MAP3K20: variants seen among roughly 807,000 people sequenced by gnomAD.
MAP3K20 encodes HCCS-4.
MAP3K20 carries 40 observed loss-of-function variants against 85.7 expected under a neutral mutation model. The observed-to-expected ratio is 0.47, with a 90% CI of 0.36 to 0.61. The LOEUF (loss-of-function observed/expected upper bound fraction) is 0.61, where lower values mean the gene tolerates loss of function less well. Among genes scored for constraint, MAP3K20 ranks in the 20% least tolerant of loss-of-function variants. MAP3K20 has a pLI of 0.00. For missense variants in MAP3K20, 817 were observed against 961.7 expected (o/e 0.85, Z 1.99); for synonymous variants, 325 against 327.7 (o/e 0.99, Z 0.09).
At chr2:173,223,557 GT>G in intron 11 of MAP3K20, 2 of 985,394 alleles carry the variant, frequency 2.0e-6, no homozygotes, top group South Asian at 9.4e-5. Context: ...GAAATTAAAA[GT>G]GGATAGCTTT....
intron 2 of MAP3K20, among the ~76,000 whole-genome samples, chr2:173,159,358 T>TTTCCTTTCTTTCC: frequency 6.6e-6 from 1 of 151,288 alleles, no homozygotes; most frequent in Admixed American, 6.6e-5. Context: ...TCTTTCTTTC[T>TTTCCTTTCTTTCC]TTCCTTTCCT....
intron 2 of MAP3K20, among the ~76,000 whole-genome samples, chr2:173,121,258 C>A (rs1026407160): frequency 6.6e-6 from 1 of 152,184 alleles, no homozygotes; most frequent in Non-Finnish European, 1.5e-5. Context: ...GAGCCCATTG[C>A]TTCATTCCCT....
intron 16 of MAP3K20, among the ~76,000 whole-genome samples, chr2:173,241,681 A>AT (rs1019418763): frequency 4.0e-5 from 6 of 151,816 alleles, no homozygotes; most frequent in African/African-American, 1.2e-4. Context: ...AAAACATTAA[A>AT]TTTTTTTTTA....
chr2:173,212,474 A>G (rs183051689), intron 10 of MAP3K20: 17 of 152,270 alleles, frequency 1.1e-4, no homozygotes, highest in African/African-American at 4.1e-4. Context: ...GATTAGTAAG[A>G]TTTTAATACC....
At chr2:173,174,324 G>A (rs1431687822) in intron 3 of MAP3K20, among the ~76,000 whole-genome samples, 2 of 152,056 alleles carry the variant, frequency 1.3e-5, no homozygotes, top group Non-Finnish European at 2.9e-5. Context: ...TCTACATTAG[G>A]TATTTTTCCT....
chr2:173,244,066 C>G (rs983509470), intron 16 of MAP3K20, among the ~76,000 whole-genome samples: 1 of 152,162 alleles, frequency 6.6e-6, no homozygotes, highest in Non-Finnish European at 1.5e-5. Flanking sequence ...GAGCCTGTGA[C>G]AGTGCCATGG....
intron 1 of MAP3K20, among the ~76,000 whole-genome samples, chr2:173,089,923 CA>C (rs1256956315): frequency 2.0e-5 from 3 of 151,872 alleles, no homozygotes; most frequent in Middle Eastern, 3.2e-3. Flanking sequence ...CTGCAAAAAA[CA>C]AACAAAAAAA....
chr2:173,083,361 A>AT (rs527936811), intron 1 of MAP3K20, among the ~76,000 whole-genome samples: 2,057 of 150,298 alleles, frequency 0.014, 24 homozygotes, highest in Middle Eastern at 0.024. Flanking sequence ...TTTATTTTTT[A>AT]TTTTTTTTTT....
chr2:173,224,156 G>C (rs1169145046), intron 11 of MAP3K20: 2 of 860,362 alleles, frequency 2.3e-6, no homozygotes, highest in Non-Finnish European at 1.4e-6. Flanking sequence ...CCGGGAAGGA[G>C]GACAAGGCCC....
At chr2:173,115,681 G>A (rs1258461976) in intron 2 of MAP3K20, among the ~76,000 whole-genome samples, 1 of 152,088 alleles carries the variant, frequency 6.6e-6, no homozygotes, top group African/African-American at 2.4e-5. Flanking sequence ...ATTGTTGTCC[G>A]TCTTCTGGGT....
chr2:173,193,982 G>A (rs1402275464), intron 7 of MAP3K20, among the ~76,000 whole-genome samples: 1 of 152,178 alleles, frequency 6.6e-6, no homozygotes, highest in Non-Finnish European at 1.5e-5. Context: ...TTACACACTG[G>A]ATGTTGCTCT....
intron 2 of MAP3K20, among the ~76,000 whole-genome samples, chr2:173,119,520 A>G (rs1304572526): frequency 1.3e-5 from 2 of 152,204 alleles, no homozygotes; most frequent in Admixed American, 1.3e-4. Flanking sequence ...AGTGCACTGT[A>G]TTGACACAGG....
intron 14 of MAP3K20, among the ~76,000 whole-genome samples, chr2:173,235,068 C>T (rs941869250): frequency 2.0e-5 from 3 of 152,184 alleles, no homozygotes; most frequent in Non-Finnish European, 2.9e-5. Flanking sequence ...TTGTTGTGGA[C>T]GGACTGGCTG....
At chr2:173,163,676 T>G (rs1253902591) in intron 2 of MAP3K20, among the ~76,000 whole-genome samples, 1 of 152,234 alleles carries the variant, frequency 6.6e-6, no homozygotes, top group East Asian at 1.9e-4. Context: ...TTAGGTTGAT[T>G]CCATGTCTTT....
chr2:173,257,410 G>T (rs183018189), intron 16 of MAP3K20, among the ~76,000 whole-genome samples: 38 of 152,170 alleles, frequency 2.5e-4, no homozygotes, highest in African/African-American at 8.4e-4. Flanking sequence ...CACATAAATG[G>T]AATCATTAGG....
intron 14 of MAP3K20, among the ~76,000 whole-genome samples, chr2:173,234,242 C>T (rs1684594086): frequency 6.6e-6 from 1 of 152,116 alleles, no homozygotes; most frequent in African/African-American, 2.4e-5. Context: ...CACCAGAAGC[C>T]CTCAGTGATT....
chr2:173,124,721 A>C (rs1688393410), intron 2 of MAP3K20, among the ~76,000 whole-genome samples: 1 of 152,150 alleles, frequency 6.6e-6, no homozygotes, highest in Non-Finnish European at 1.5e-5. Context: ...GATCTCCTGC[A>C]CTCTGCTGGC....
At position 173,258,088 on chromosome 2, in the gene MAP3K20, A is replaced by G. The variant is rs1685200381; in HGVS notation, c.1360-611A>G. Among the ~76,000 whole-genome samples the G allele has an allele frequency of 2.0e-5, 3 of 152,210 alleles. No homozygotes were observed. The South Asian group carries it at 6.2e-4, about 32-fold the overall frequency. On this transcript the variant is annotated intron_variant, in intron 16 of 19. Transcript: ENST00000375213. ...GAACAATCAACAGAAGCCACGAAGT[A>G]GCTGTGCCTTTAGGGGAACTGTTCT...
chr2:173,223,033 C>G, intron 11 of MAP3K20: 1 of 985,424 alleles, frequency 1.0e-6, no homozygotes, highest in Non-Finnish European at 1.2e-6. Context: ...TAGATATGAT[C>G]TAACAGTATT....
Sources: gnomAD v4.1 joint callset for allele counts (sites outside exome capture counted in the v4.1 genomes callset) on GRCh38, gnomAD v4.1.1 for gene constraint, MANE v1.5 for transcripts, NCBI Gene and HGNC (gene_info 2026-07-23, HGNC 2026-07-21) for gene names.